Variants in PLEKHH2 observed in about 807,000 individuals in gnomAD.
PLEKHH2 encodes pleckstrin homology, MyTH4 and FERM domain containing H2, also known as pleckstrin homology domain-containing family H member 2.
A neutral mutation model predicts 187.9 loss-of-function variants in PLEKHH2; 129 were observed. The observed-to-expected ratio is 0.69, with a 90% CI of 0.59 to 0.79. The LOEUF is 0.79. Among genes scored for constraint, PLEKHH2 ranks in the 30% least tolerant of loss-of-function variants. The pLI, the probability that PLEKHH2 is intolerant of heterozygous loss-of-function variation, is 0.00. For missense variants in PLEKHH2, 2,076 were observed against 1,751.2 expected (o/e 1.19, Z -3.31); for synonymous variants, 686 against 605.6 (o/e 1.13, Z -1.95).
chr2:43,747,353 C>A (rs1221346095), intron 24 of PLEKHH2, among the ~76,000 whole-genome samples: 1 of 152,076 alleles, frequency 6.6e-6, no homozygotes, highest in Non-Finnish European at 1.5e-5. Context: ...AACAGTGAGC[C>A]TGACCTAGAC....
intron 16 of PLEKHH2, among the ~76,000 whole-genome samples, chr2:43,721,574 G>A (rs1428601915): frequency 6.6e-6 from 1 of 152,076 alleles, no homozygotes; most frequent in East Asian, 1.9e-4. Flanking sequence ...AGAGATTAAC[G>A]CAGTACAGCC....
chr2:43,731,333 A>G (rs1671026567), intron 18 of PLEKHH2, among the ~76,000 whole-genome samples, 157 bp from the exon 19 acceptor site: 1 of 152,230 alleles, frequency 6.6e-6, no homozygotes, highest in African/African-American at 2.4e-5. Context: ...CCTGGCTACC[A>G]AAATAAAATA....
At chr2:43,675,214 A>C in intron 2 of PLEKHH2, 1 of 459,384 alleles carries the variant, frequency 2.2e-6, no homozygotes, top group Non-Finnish European at 3.8e-6. Context: ...ATGTGGAGTC[A>C]ATATGAAATA....
intron 22 of PLEKHH2, 68 bp from the exon 23 acceptor site, chr2:43,743,766 A>G (rs557169729): frequency 1.8e-5 from 26 of 1,410,982 alleles, no homozygotes; most frequent in Middle Eastern, 1.9e-4. Context: ...GCTCTGTTTC[A>G]TCCTTAAAAT....
At chr2:43,752,674 A>C (rs1437684313) in intron 24 of PLEKHH2, among the ~76,000 whole-genome samples, 2 of 152,164 alleles carry the variant, frequency 1.3e-5, no homozygotes, top group Non-Finnish European at 2.9e-5. Context: ...AGGTGTGTCA[A>C]GATGTTGCTC....
At chr2:43,693,503 A>C (rs1433489875) in intron 4 of PLEKHH2, among the ~76,000 whole-genome samples, 1 of 152,176 alleles carries the variant, frequency 6.6e-6, no homozygotes, top group Non-Finnish European at 1.5e-5. Context: ...AGGCAGGTGG[A>C]TCACGAGGTC....
intron 2 of PLEKHH2, among the ~76,000 whole-genome samples, chr2:43,653,531 GC>G (rs544161802): frequency 1.6e-4 from 25 of 152,206 alleles, no homozygotes; most frequent in South Asian, 2.1e-4. Context: ...CAGAAGGAGT[GC>G]TTTATTAAAA....
chr2:43,695,516 C>A lies in PLEKHH2; in HGVS notation c.502+292C>A, dbSNP rs190866081. 5.0e-3 allele frequency among the ~76,000 whole-genome samples: 759 copies of A among 152,310 alleles called. 5 individuals carry two copies. The highest frequency in any genetic ancestry group is 7.9e-3 in the Non-Finnish European group (536 of 68,026). On this transcript the variant is annotated intron_variant, in intron 6 of 29. Coordinates refer to ENST00000282406, the MANE Select transcript of PLEKHH2 (RefSeq NM_172069.4). ...CCTCTCTCTATTCTAAAAGACCTTC[C>A]ATTGGTACACTTTTTAGAACCAAAC...
chr2:43,675,654 G>A (rs768455946), intron 2 of PLEKHH2: 6 of 1,613,892 alleles, frequency 3.7e-6, no homozygotes, highest in Non-Finnish European at 1.7e-6. Context: ...CATATTTCAG[G>A]CATATTGCCA....
At position 43,699,934 on chromosome 2, in the gene PLEKHH2, CTGACAGCATCTGA is replaced by C; in HGVS notation, c.985_997del (p.Ser329AlafsTer11). 2 of 1,614,130 alleles carry C rather than the reference CTGACAGCATCTGA, an allele frequency of 1.2e-6. No individual in the cohort carries two copies. The highest frequency in any genetic ancestry group is 1.7e-6 in the Non-Finnish European group (2 of 1,180,012). On this transcript the variant is annotated frameshift_variant, in exon 8 of 30. Coordinates refer to ENST00000282406, the MANE Select transcript of PLEKHH2 (RefSeq NM_172069.4). LOFTEE classifies it high-confidence loss of function. ...TAGCAGGATGGGAAGTGAAATGTAT[CTGACAGCATCTGA>C]TGACAGCAGCTCTATATTTGAGGAA... is the stretch of plus-strand genomic sequence containing the variant.
chr2:43,743,065 T>A (rs1671641902), intron 22 of PLEKHH2, 147 bp downstream of exon 22: 1 of 589,964 alleles, frequency 1.7e-6, no homozygotes, highest in Non-Finnish European at 2.6e-6. Flanking sequence ...AACAGCTGAG[T>A]TTTGAAACAG....
chr2:43,714,916 G>T (rs894489916), intron 15 of PLEKHH2, among the ~76,000 whole-genome samples: 1 of 152,204 alleles, frequency 6.6e-6, no homozygotes, highest in Non-Finnish European at 1.5e-5. Context: ...TCAAGGAGGA[G>T]TAGGAGTTAG....
chr2:43,725,569 A>G (rs1030897117), intron 16 of PLEKHH2, among the ~76,000 whole-genome samples: 6 of 152,214 alleles, frequency 3.9e-5, no homozygotes, highest in East Asian at 3.8e-4. Flanking sequence ...TTTAAAAAGG[A>G]AAGTTTTCTG....
At position 43,700,237 on chromosome 2, in the gene PLEKHH2, G is replaced by A. The variant is rs1360480410; in HGVS notation, c.1279G>A (p.Gly427Arg). Reference protein sequence around the residue: ...PKHPNSLSGKGTQLVPSSHLP... With the variant: ...PKHPNSLSGKRTQLVPSSHLP... ...GCATCCTAACTCACTCTCTGGAAAA[G>A]GAACACAATTAGTGCCTTCATCACA... Residue 427 changes from glycine to arginine, a missense_variant, in exon 8 of 30, where the codon GGA becomes AGA. Coordinates refer to ENST00000282406, the MANE Select transcript of PLEKHH2 (RefSeq NM_172069.4). The A allele has an allele frequency of 1.2e-6, 2 of 1,613,978 alleles. No homozygotes were observed. Among genetic ancestry groups the A allele is most frequent in the Non-Finnish European group, 1.7e-6 (2 of 1,180,024 alleles).
chr2:43,706,588 T>G (rs1292395935), intron 10 of PLEKHH2, among the ~76,000 whole-genome samples, 172 bp downstream of exon 10: 1 of 152,228 alleles, frequency 6.6e-6, no homozygotes, highest in Non-Finnish European at 1.5e-5. Flanking sequence ...TGGAAAGGTC[T>G]GCAGAAGACA....
At chr2:43,642,844 G>A (rs1456673645) in intron 1 of PLEKHH2, among the ~76,000 whole-genome samples, 2 of 152,084 alleles carry the variant, frequency 1.3e-5, no homozygotes, top group African/African-American at 2.4e-5. Flanking sequence ...ACATAGGCAA[G>A]TTATTTTACA....
intron 7 of PLEKHH2, 143 bp downstream of exon 7, chr2:43,697,499 C>A: frequency 3.0e-6 from 2 of 657,670 alleles, no homozygotes; most frequent in Non-Finnish European, 4.7e-6. Flanking sequence ...AAGAGCAATA[C>A]AACATTTAAC....
chr2:43,681,987 T>C (rs1464839624), intron 3 of PLEKHH2, among the ~76,000 whole-genome samples: 1 of 152,150 alleles, frequency 6.6e-6, no homozygotes, highest in Admixed American at 6.5e-5. Flanking sequence ...GAGAAAATAG[T>C]ATAGTGAACC....
chr2:43,760,701 A>C (rs1250148367), intron 27 of PLEKHH2, among the ~76,000 whole-genome samples: 1 of 152,106 alleles, frequency 6.6e-6, no homozygotes, highest in Non-Finnish European at 1.5e-5. Context: ...CTGTGGCATT[A>C]AGTACATTCT....
Sources: allele counts gnomAD v4.1 joint callset (sites outside exome capture counted in the v4.1 genomes callset), GRCh38; gene constraint gnomAD v4.1.1; transcripts MANE v1.5; gene names NCBI Gene and HGNC (gene_info 2026-07-23, HGNC 2026-07-21).